The following MDGA2 variants were observed in gnomAD, a reference collection of about 807,000 sequenced individuals.
The protein encoded by MDGA2 is MAM domain-containing glycosylphosphatidylinositol anchor protein 2.
MDGA2 carries 40 observed loss-of-function variants against 117.8 expected under a neutral mutation model. The ratio of observed to expected loss-of-function variants is 0.34; its 90% CI spans 0.26 to 0.44. The LOEUF (loss-of-function observed/expected upper bound fraction) is 0.44. MDGA2 is among the 20% of genes least tolerant of loss of function. The pLI, the probability that MDGA2 is intolerant of heterozygous loss-of-function variation, is 1.00. For missense variants in MDGA2, 1,123 were observed against 1,250.6 expected, an observed-to-expected ratio of 0.90 and a Z score of 1.54; for synonymous variants, 452 against 439.0, an observed-to-expected ratio of 1.03 and a Z score of -0.37.
intron 16 of MDGA2, among the ~76,000 whole-genome samples, chr14:46,845,227 T>A (rs1189555618): frequency 1.3e-5 from 2 of 152,156 alleles, no homozygotes; most frequent in Non-Finnish European, 2.9e-5. Flanking sequence ...CTCTCAGCAA[T>A]TCTCCTTGCT....
chr14:46,957,022 T>G (rs1885588979), intron 9 of MDGA2, among the ~76,000 whole-genome samples: 1 of 152,194 alleles, frequency 6.6e-6, no homozygotes, highest in South Asian at 2.1e-4. Context: ...TCATGCTTCC[T>G]GTTTAGCTTG....
intron 1 of MDGA2, among the ~76,000 whole-genome samples, chr14:47,433,109 A>G (rs1892832045): frequency 6.6e-6 from 1 of 152,094 alleles, no homozygotes; most frequent in Non-Finnish European, 1.5e-5. Flanking sequence ...CAGGGTATAA[A>G]CAAAGCATAG....
chr14:47,603,568 A>C (rs1390761078), intron 1 of MDGA2, among the ~76,000 whole-genome samples: 2 of 152,254 alleles, frequency 1.3e-5, no homozygotes, highest in South Asian at 4.1e-4. Flanking sequence ...GATTGAGCTA[A>C]AATTAGAATG....
intron 5 of MDGA2, among the ~76,000 whole-genome samples, chr14:47,097,562 T>C (rs560088236): frequency 5.7e-4 from 86 of 152,134 alleles, no homozygotes; most frequent in African/African-American, 1.9e-3. Flanking sequence ...TGAGATGAAA[T>C]GATAAATTTT....
chr14:46,957,088 T>C (rs141893550), intron 9 of MDGA2, among the ~76,000 whole-genome samples: 1 of 152,270 alleles, frequency 6.6e-6, no homozygotes, highest in Non-Finnish European at 1.5e-5. Context: ...CTCAGGTAGT[T>C]CTTTATAGCA....
chr14:47,321,129 T>A (rs917253575), intron 1 of MDGA2, among the ~76,000 whole-genome samples: 14 of 152,194 alleles, frequency 9.2e-5, no homozygotes, highest in Non-Finnish European at 1.6e-4. Flanking sequence ...GTGTCCTGAA[T>A]GATTAGCTGT....
At chr14:47,169,748 T>G (rs886430400) in intron 3 of MDGA2, among the ~76,000 whole-genome samples, 5 of 152,098 alleles carry the variant, frequency 3.3e-5, no homozygotes, top group Non-Finnish European at 7.4e-5. Context: ...AACAATGGCA[T>G]AACAGACAAA....
At chr14:47,477,394 T>A (rs1454394186) in intron 1 of MDGA2, among the ~76,000 whole-genome samples, 1 of 152,158 alleles carries the variant, frequency 6.6e-6, no homozygotes, top group Non-Finnish European at 1.5e-5. Flanking sequence ...AGAAAGTAAT[T>A]CATTGTGAAA....
chr14:47,067,820 T>C (rs1223739756), intron 6 of MDGA2, among the ~76,000 whole-genome samples: 2 of 152,190 alleles, frequency 1.3e-5, no homozygotes, highest in East Asian at 1.9e-4. Flanking sequence ...TTATAAAAAG[T>C]ATATGCAGTG....
At chr14:47,601,196 T>G (rs1034329357) in intron 1 of MDGA2, among the ~76,000 whole-genome samples, 1 of 152,112 alleles carries the variant, frequency 6.6e-6, no homozygotes, top group South Asian at 2.1e-4. Context: ...ATCAGCTAAA[T>G]AGAGATGAGG....
chr14:47,246,305 C>T (rs1175550291), intron 2 of MDGA2, among the ~76,000 whole-genome samples: 1 of 151,738 alleles, frequency 6.6e-6, no homozygotes, highest in Non-Finnish European at 1.5e-5. Flanking sequence ...ATCAGTCCTT[C>T]CCCCGATCCT....
chr14:47,259,852 T>G, intron 2 of MDGA2, among the ~76,000 whole-genome samples: 1 of 151,970 alleles, frequency 6.6e-6, no homozygotes. Flanking sequence ...GAGGGCTAGT[T>G]GAAGAAATAT....
At chr14:47,169,167 C>T (rs1884016981) in intron 3 of MDGA2, among the ~76,000 whole-genome samples, 1 of 151,988 alleles carries the variant, frequency 6.6e-6, no homozygotes, top group Non-Finnish European at 1.5e-5. Flanking sequence ...TATTTACATA[C>T]ACCCTTCAAC....
At chr14:47,062,978 C>A (rs1007259263) in intron 6 of MDGA2, among the ~76,000 whole-genome samples, 1 of 151,924 alleles carries the variant, frequency 6.6e-6, no homozygotes, top group African/African-American at 2.4e-5. Context: ...TGAAGGGCTC[C>A]TCCTCAAGAC....
intron 6 of MDGA2, among the ~76,000 whole-genome samples, chr14:47,080,860 C>G (rs1890684972): frequency 6.6e-6 from 1 of 152,182 alleles, no homozygotes; most frequent in African/African-American, 2.4e-5. Context: ...TTACTTAACT[C>G]AAGCTTTTGC....
intron 1 of MDGA2, among the ~76,000 whole-genome samples, chr14:47,467,934 G>A (rs1893637949): frequency 6.6e-6 from 1 of 152,144 alleles, no homozygotes; most frequent in African/African-American, 2.4e-5. Context: ...TGAAATGTCT[G>A]TATGAAGATG....
At chr14:47,318,969 T>C (rs1213044426) in intron 1 of MDGA2, among the ~76,000 whole-genome samples, 2 of 152,224 alleles carry the variant, frequency 1.3e-5, no homozygotes, top group Non-Finnish European at 2.9e-5. Flanking sequence ...TTCAGGTCAA[T>C]ATCTCTTATG....
At chr14:47,493,316 A>T (rs1029426548) in intron 1 of MDGA2, among the ~76,000 whole-genome samples, 2 of 148,176 alleles carry the variant, frequency 1.3e-5, no homozygotes, top group African/African-American at 2.5e-5. Flanking sequence ...TATAATATAA[A>T]ATATATATAT....
chr14:47,374,530 T>C (rs1891433517), intron 1 of MDGA2, among the ~76,000 whole-genome samples: 1 of 152,132 alleles, frequency 6.6e-6, no homozygotes, highest in South Asian at 2.1e-4. Context: ...CTGTTGGTGA[T>C]TTAAATCACA....
Sources: gnomAD v4.1 joint callset for allele counts (sites outside exome capture counted in the v4.1 genomes callset) on GRCh38, gnomAD v4.1.1 for gene constraint, MANE v1.5 for transcripts, NCBI Gene and HGNC (gene_info 2026-07-23, HGNC 2026-07-21) for gene names.